The following ZNF385D variants were observed in gnomAD, a reference collection of about 807,000 sequenced individuals.
ZNF385D encodes the protein zinc finger protein 385D.
A neutral mutation model predicts 35.8 loss-of-function variants in ZNF385D; 15 were observed. That is an observed-to-expected ratio of 0.42 (90% CI 0.28 to 0.64). ZNF385D has a LOEUF of 0.64. Ranked by LOEUF, ZNF385D falls within the 30% of genes least tolerant of loss-of-function variation. The probability of loss-of-function intolerance (pLI) is 0.23; values close to 1 mark genes in which losing one functional copy is unlikely to be tolerated. For missense variants in ZNF385D, 474 were observed against 494.6 expected (o/e 0.96, Z 0.39); for synonymous variants, 212 against 186.8 (o/e 1.13, Z -1.10).
chr3:21,792,723 C>T (rs2071981816), intron 3 of ZNF385D, among the ~76,000 whole-genome samples: 1 of 152,072 alleles, frequency 6.6e-6, no homozygotes, highest in Admixed American at 6.5e-5. Context: ...CCTGCTCACT[C>T]CTCAAAAGAG....
In ZNF385D at chr3:21,885,258, AT is replaced by A. The variant is rs1025490416; in HGVS notation, c.326-220231del. ...GAAGTTAAATGAAGTTCCAAAATTCATTTTTTTCTTTCATTCTTCCTTTACT... is the reference window on the plus strand; with the variant it reads ...GAAGTTAAATGAAGTTCCAAAATTCATTTTTTCTTTCATTCTTCCTTTACT... On this transcript the variant is annotated intron_variant, in intron 3 of 5. Coordinates refer to the ZNF385D transcript ENST00000494108. Among the ~76,000 whole-genome samples the A allele has an allele frequency of 2.0e-5, 3 of 152,154 alleles. No homozygotes were observed. In the East Asian group the frequency reaches 5.8e-4, roughly 29 times the overall value.
At chr3:21,601,791 T>G (rs2064298541) in intron 2 of ZNF385D, among the ~76,000 whole-genome samples, 1 of 152,156 alleles carries the variant, frequency 6.6e-6, no homozygotes, top group Admixed American at 6.5e-5. Context: ...CCCTGGAAGC[T>G]TGAGCTGATC....
chr3:22,233,048 C>T (rs1698985204), intron 2 of ZNF385D, among the ~76,000 whole-genome samples: 1 of 152,234 alleles, frequency 6.6e-6, no homozygotes, highest in East Asian at 1.9e-4. Flanking sequence ...CTCTTACAAA[C>T]CATGATGCCC....
rs559567454 is a variant in ZNF385D, at chr3:21,744,859, A to T, written c.22+6036T>A. On this transcript the variant is annotated intron_variant, in intron 1 of 7. Transcript: ENST00000281523. Reference sequence around the variant, plus strand: ...CTAGGACTTGGGTTAAAAAAAATAAAAAAAATAATAATAAAAAAAGCTAGT... The same window carrying T: ...CTAGGACTTGGGTTAAAAAAAATAATAAAAATAATAATAAAAAAAGCTAGT... Among the ~76,000 whole-genome samples, 86 of 143,802 alleles carry T rather than the reference A, an allele frequency of 6.0e-4. 1 individual carries two copies. Among genetic ancestry groups the T allele is most frequent in the Non-Finnish European group, 1.1e-3 (69 of 62,628 alleles). 94.3% of individuals were successfully genotyped at this position (143,802 alleles called of 152,430 possible).
intron 3 of ZNF385D, among the ~76,000 whole-genome samples, chr3:21,788,712 C>A (rs2071802007): frequency 1.3e-5 from 2 of 152,104 alleles, no homozygotes; most frequent in South Asian, 4.1e-4. Context: ...AGAATAAACT[C>A]CTCCATGCTC....
At chr3:22,123,137 A>G (rs1156403202) in intron 3 of ZNF385D, among the ~76,000 whole-genome samples, 4 of 152,076 alleles carry the variant, frequency 2.6e-5, no homozygotes, top group African/African-American at 9.7e-5. Context: ...AGTGATTAGA[A>G]TAGCATAAGA....
intron 3 of ZNF385D, among the ~76,000 whole-genome samples, chr3:22,162,597 C>T (rs1230645630): frequency 6.6e-6 from 1 of 152,118 alleles, no homozygotes; most frequent in East Asian, 1.9e-4. Context: ...CTTTCCTTCC[C>T]TCACTGTCCT....
At chr3:21,768,766 C>G (rs182390354) in intron 3 of ZNF385D, among the ~76,000 whole-genome samples, 2 of 152,006 alleles carry the variant, frequency 1.3e-5, no homozygotes, top group African/African-American at 4.8e-5. Context: ...TGTTACGAAC[C>G]CACCGTCCCC....
chr3:22,266,142 C>T (rs749836439), intron 2 of ZNF385D, among the ~76,000 whole-genome samples: 1 of 151,912 alleles, frequency 6.6e-6, no homozygotes, highest in Non-Finnish European at 1.5e-5. Context: ...CATAGTTCTA[C>T]AATTTAAAGA....
intron 3 of ZNF385D, among the ~76,000 whole-genome samples, chr3:21,881,348 A>G (rs1298871149): frequency 6.6e-6 from 1 of 151,980 alleles, no homozygotes; most frequent in African/African-American, 2.4e-5. Context: ...ACCATTCCAA[A>G]CATCCTATGC....
chr3:22,063,364 T>A (rs980037815), intron 3 of ZNF385D, among the ~76,000 whole-genome samples: 11 of 152,178 alleles, frequency 7.2e-5, no homozygotes, highest in African/African-American at 2.4e-4. Context: ...TCTCTTAAAA[T>A]ATTAATAAAA....
intron 3 of ZNF385D, among the ~76,000 whole-genome samples, chr3:21,970,180 G>A (rs191257618): frequency 1.2e-3 from 185 of 152,126 alleles, no homozygotes; most frequent in African/African-American, 4.3e-3. Context: ...ACACTGACAA[G>A]CATTAAAACC....
At chr3:22,256,558 A>G (rs1174526190) in intron 2 of ZNF385D, among the ~76,000 whole-genome samples, 2 of 151,886 alleles carry the variant, frequency 1.3e-5, no homozygotes, top group Admixed American at 1.3e-4. Context: ...ATAAGGCATG[A>G]GGTGGCAATA....
intron 2 of ZNF385D, among the ~76,000 whole-genome samples, chr3:22,310,112 T>G (rs1176467195): frequency 6.6e-6 from 1 of 151,986 alleles, no homozygotes; most frequent in Non-Finnish European, 1.5e-5. Flanking sequence ...ATTAAGTGTT[T>G]TACAATATTG....
At chr3:21,800,727 T>C (rs896122391) in intron 3 of ZNF385D, among the ~76,000 whole-genome samples, 8 of 152,222 alleles carry the variant, frequency 5.3e-5, no homozygotes, top group Non-Finnish European at 1.2e-4. Context: ...TGTATAAAAA[T>C]ACAGTTGTCT....
At chr3:22,337,360 C>A (rs1019314082) in intron 2 of ZNF385D, among the ~76,000 whole-genome samples, 3 of 151,976 alleles carry the variant, frequency 2.0e-5, no homozygotes, top group Non-Finnish European at 4.4e-5. Flanking sequence ...AGGGTGAAAC[C>A]CTCTCTCTAC....
chr3:22,333,233 A>G (rs947776935), intron 2 of ZNF385D, among the ~76,000 whole-genome samples: 2 of 152,122 alleles, frequency 1.3e-5, no homozygotes, highest in African/African-American at 4.8e-5. Context: ...TATTTTTCTC[A>G]GCCGCTGGCT....
At chr3:21,738,132 A>T (rs1434543792) in intron 1 of ZNF385D, among the ~76,000 whole-genome samples, 1 of 152,166 alleles carries the variant, frequency 6.6e-6, no homozygotes, top group Non-Finnish European at 1.5e-5. Flanking sequence ...TTGTACACTG[A>T]GAGGAGTTTT....
intron 5 of ZNF385D, among the ~76,000 whole-genome samples, chr3:21,425,931 C>G (rs1448577338): frequency 6.6e-6 from 1 of 151,944 alleles, no homozygotes; most frequent in Non-Finnish European, 1.5e-5. Flanking sequence ...TCTAATGCTC[C>G]GCATTACAAA....
Sources: allele counts gnomAD v4.1 joint callset (sites outside exome capture counted in the v4.1 genomes callset), GRCh38; gene constraint gnomAD v4.1.1; transcripts MANE v1.5; gene names NCBI Gene and HGNC (gene_info 2026-07-23, HGNC 2026-07-21).